The following MBD5 variants were observed in gnomAD, a reference collection of about 807,000 sequenced individuals.
MBD5 encodes the protein methyl-CpG-binding domain protein 5.
MBD5 carries 13 observed loss-of-function variants against 117.3 expected under a neutral mutation model. The ratio of observed to expected loss-of-function variants is 0.11; its 90% CI spans 0.07 to 0.18. The LOEUF (loss-of-function observed/expected upper bound fraction) is 0.18, where lower values mean the gene tolerates loss of function less well. Ranked by LOEUF, MBD5 falls within the 10% of genes least tolerant of loss-of-function variation. MBD5 has a pLI of 1.00. For synonymous variants in MBD5, 727 were observed against 766.4 expected, an observed-to-expected ratio of 0.95 and a Z score of 0.85; for missense variants, 1,879 against 2,093.8, an observed-to-expected ratio of 0.90 and a Z score of 2.00.
chr2:148,324,446 A>T (rs1183781022), intron 3 of MBD5, among the ~76,000 whole-genome samples: 1 of 152,108 alleles, frequency 6.6e-6, no homozygotes, highest in Non-Finnish European at 1.5e-5. Flanking sequence ...CATTTTCACA[A>T]TATTTATTCT....
intron 8 of MBD5, among the ~76,000 whole-genome samples, chr2:148,480,884 G>T (rs1681127625): frequency 6.6e-6 from 1 of 151,854 alleles, no homozygotes; most frequent in Admixed American, 6.6e-5. Context: ...AAAAAATAAA[G>T]GCAGACCAAG....
At chr2:148,505,264 G>GGA (rs2105244501) in intron 12 of MBD5, among the ~76,000 whole-genome samples, 1 of 152,308 alleles carries the variant, frequency 6.6e-6, no homozygotes, top group Non-Finnish European at 1.5e-5. Context: ...AAGCTGTTCA[G>GGA]TACAGTTTGG....
intron 2 of MBD5, among the ~76,000 whole-genome samples, chr2:148,228,696 C>T (rs1468036149): frequency 1.3e-5 from 2 of 152,184 alleles, no homozygotes; most frequent in Admixed American, 6.5e-5. Context: ...ACCAGCTCCT[C>T]CTTGTACCTC....
At chr2:148,342,631 A>G (rs930195359) in intron 4 of MBD5, among the ~76,000 whole-genome samples, 9 of 152,078 alleles carry the variant, frequency 5.9e-5, no homozygotes, top group African/African-American at 2.2e-4. Context: ...ATTTTTATAT[A>G]TGTGTATTAT....
chr2:148,499,257 C>T (rs980053902), intron 11 of MBD5, among the ~76,000 whole-genome samples: 5 of 152,152 alleles, frequency 3.3e-5, no homozygotes, highest in African/African-American at 1.2e-4. Flanking sequence ...GAGCCAAGGT[C>T]ACGCCACTGC....
intron 1 of MBD5, among the ~76,000 whole-genome samples, chr2:148,073,609 T>C (rs1190864950): frequency 6.6e-6 from 1 of 152,196 alleles, no homozygotes; most frequent in Non-Finnish European, 1.5e-5. Flanking sequence ...GTAAAAGTTA[T>C]TAATATTTAT....
chr2:148,064,119 G>C (rs1695114350), intron 1 of MBD5, among the ~76,000 whole-genome samples: 2 of 129,236 alleles, frequency 1.5e-5, no homozygotes, highest in South Asian at 5.0e-4. Flanking sequence ...CCCACCAGCT[G>C]TCTTTTTTCT....
At chr2:148,327,564 C>A (rs994698649) in intron 3 of MBD5, among the ~76,000 whole-genome samples, 2 of 151,768 alleles carry the variant, frequency 1.3e-5, no homozygotes, top group African/African-American at 2.4e-5. Flanking sequence ...TTTCTCTAAA[C>A]TTCCCTTCTC....
chr2:148,162,295 C>T (rs957379837), intron 1 of MBD5, among the ~76,000 whole-genome samples: 8 of 152,102 alleles, frequency 5.3e-5, no homozygotes, highest in Admixed American at 3.3e-4. Context: ...ATGTTCCCCA[C>T]CCCCCTGTCC....
intron 1 of MBD5, among the ~76,000 whole-genome samples, chr2:148,150,474 G>C (rs1240059988): frequency 6.6e-6 from 1 of 152,120 alleles, no homozygotes; most frequent in Non-Finnish European, 1.5e-5. Flanking sequence ...CCAATTCTGT[G>C]AAGAAAGTCA....
intron 3 of MBD5, among the ~76,000 whole-genome samples, chr2:148,338,876 C>T (rs1702868353): frequency 6.6e-6 from 1 of 152,092 alleles, no homozygotes; most frequent in Admixed American, 6.6e-5. Context: ...AAATGATAGA[C>T]CTGTGGCAAA....
chr2:148,335,330 G>A (rs1328687536), intron 3 of MBD5, among the ~76,000 whole-genome samples: 1 of 151,574 alleles, frequency 6.6e-6, no homozygotes, highest in Non-Finnish European at 1.5e-5. Context: ...GCAGTGAGCC[G>A]AGATCCCACC....
At chr2:148,300,289 A>G (rs1035005384) in intron 3 of MBD5, among the ~76,000 whole-genome samples, 16 of 152,066 alleles carry the variant, frequency 1.1e-4, no homozygotes, top group African/African-American at 3.6e-4. Context: ...CTCCTGACAT[A>G]TCATCCACCT....
intron 4 of MBD5, among the ~76,000 whole-genome samples, chr2:148,450,740 A>G (rs1706702339): frequency 6.6e-6 from 1 of 152,188 alleles, no homozygotes. Context: ...AAGATTCAGC[A>G]TATGGAGTGA....
chr2:148,387,734 A>G (rs893218594), intron 4 of MBD5, among the ~76,000 whole-genome samples: 1 of 152,134 alleles, frequency 6.6e-6, no homozygotes, highest in Non-Finnish European at 1.5e-5. Context: ...TTGCATTTCT[A>G]ATACAAAAAA....
At chr2:148,141,352 T>A (rs555565251) in intron 1 of MBD5, among the ~76,000 whole-genome samples, 25 of 152,272 alleles carry the variant, frequency 1.6e-4, no homozygotes, top group Admixed American at 5.2e-4. Context: ...TTAACCTGAT[T>A]AACCCCCAAT....
chr2:148,495,385 G>T (rs1681669136), intron 11 of MBD5, among the ~76,000 whole-genome samples: 1 of 151,982 alleles, frequency 6.6e-6, no homozygotes, highest in Non-Finnish European at 1.5e-5. Context: ...AGCTTAAAAG[G>T]GTTGCCTCTC....
intron 1 of MBD5, among the ~76,000 whole-genome samples, chr2:148,064,188 C>G (rs367590049): frequency 7.1e-4 from 101 of 142,674 alleles, no homozygotes; most frequent in Non-Finnish European, 2.9e-4. Flanking sequence ...TGCAGTGGCG[C>G]GATCTCAGCT....
chr2:148,442,924 C>T (rs914499397), intron 4 of MBD5, among the ~76,000 whole-genome samples: 4 of 151,280 alleles, frequency 2.6e-5, no homozygotes, highest in Non-Finnish European at 5.9e-5. Context: ...AGCTTCTGTA[C>T]AACCAAGAAA....
Sources: allele counts gnomAD v4.1 joint callset (sites outside exome capture counted in the v4.1 genomes callset), GRCh38; gene constraint gnomAD v4.1.1; transcripts MANE v1.5; gene names NCBI Gene and HGNC (gene_info 2026-07-23, HGNC 2026-07-21).